Variants in ANKRD44 observed in about 807,000 individuals in gnomAD.
ANKRD44 encodes serine/threonine-protein phosphatase 6 regulatory ankyrin repeat subunit B.
A neutral mutation model predicts 116.0 loss-of-function variants in ANKRD44; 35 were observed. That is an observed-to-expected ratio of 0.30 (90% CI 0.23 to 0.40). The LOEUF (loss-of-function observed/expected upper bound fraction) is 0.40, where lower values mean the gene tolerates loss of function less well. Ranked by LOEUF, ANKRD44 falls within the 10% of genes least tolerant of loss-of-function variation. The pLI is 1.00. For missense variants in ANKRD44, 1,014 were observed against 1,242.6 expected (o/e 0.82, Z 2.77); for synonymous variants, 435 against 461.8 (o/e 0.94, Z 0.74).
At chr2:197,189,107 T>A (rs747375982) in intron 1 of ANKRD44, among the ~76,000 whole-genome samples, 9 of 152,242 alleles carry the variant, frequency 5.9e-5, no homozygotes, top group Non-Finnish European at 8.8e-5. Context: ...TTACAGGTTA[T>A]GTTGCTGTTT....
rs1322637209 is a variant in ANKRD44 at position 196,987,867 on chromosome 2, C to T, written c.*1724G>A. 1 of 981,752 alleles carries T rather than the reference C, an allele frequency of 1.0e-6. No individual in the cohort carries two copies. The highest frequency in any genetic ancestry group is 1.2e-6 in the Non-Finnish European group (1 of 827,004). 60.8% of individuals were successfully genotyped at this position (981,752 alleles called of 1,614,324 possible). ...TTTTTTTTCTTAGAAAGCTATGGTG[C>T]AAACATAATTTTATTTCTAAGAGAT... On this transcript the variant is annotated 3_prime_UTR_variant, in exon 28 of 28. Transcript: ENST00000282272.
intron 1 of ANKRD44, among the ~76,000 whole-genome samples, chr2:197,309,476 C>T (rs770842883): frequency 6.6e-4 from 100 of 152,174 alleles, no homozygotes; most frequent in African/African-American, 2.2e-3. Context: ...ATTGTGGTGA[C>T]GGACTGCACT....
chr2:197,200,438 G>C (rs1454058099), intron 1 of ANKRD44, among the ~76,000 whole-genome samples: 1 of 152,088 alleles, frequency 6.6e-6, no homozygotes, highest in Non-Finnish European at 1.5e-5. Flanking sequence ...AGAATGTCCT[G>C]AGTTACAGCA....
At chr2:196,990,686 C>G (rs547028406) in intron 27 of ANKRD44, 5 of 1,232,068 alleles carry the variant, frequency 4.1e-6, no homozygotes, top group African/African-American at 1.6e-5. Flanking sequence ...AAAGTCAAAA[C>G]GTTTCCGAAT....
rs575779799 is a variant in ANKRD44 at position 196,993,651 on chromosome 2, T to C, written c.2855A>G (p.Asn952Ser). 1.5e-5 allele frequency: 23 copies of C among 1,550,396 alleles called. No individual in the cohort carries two copies. The South Asian group carries it at 2.6e-4, about 18-fold the overall frequency. The stretch of plus-strand genomic sequence containing the variant: ...CTCCTCAACTACCACCTTTAAGCCA[T>C]TGCGCGCAGCGACGTGGAGGGGTCT... ...LQTPLHVAAR[N>S]GLKVVVEELL... The change falls in exon 27 of 28, where the codon AAT (asparagine) becomes AGT (serine). Residue 952 changes from asparagine to serine, a missense_variant. Asn to Ser is a conservative substitution (Grantham distance 46). Transcript: ENST00000282272.
intron 1 of ANKRD44, among the ~76,000 whole-genome samples, chr2:197,188,541 A>G (rs555887121): frequency 2.8e-4 from 42 of 152,322 alleles, no homozygotes; most frequent in African/African-American, 1.0e-3. Context: ...TGCAAAGCCC[A>G]TTTCTACATG....
chr2:196,968,635 CT>C (rs1198226080), intron 21 of ANKRD44, among the ~76,000 whole-genome samples: 5 of 152,184 alleles, frequency 3.3e-5, no homozygotes, highest in Non-Finnish European at 7.3e-5. Flanking sequence ...AGAATTTCCT[CT>C]TCTCAGCTCT....
chr2:197,029,043 A>C (rs1297658956), intron 16 of ANKRD44: 1 of 156,498 alleles, frequency 6.4e-6, no homozygotes, highest in Non-Finnish European at 1.4e-5. Flanking sequence ...GGTTTCTTAC[A>C]TATGTATACA....
At chr2:197,229,032 T>A (rs2081792249) in intron 1 of ANKRD44, among the ~76,000 whole-genome samples, 1 of 152,112 alleles carries the variant, frequency 6.6e-6, no homozygotes. Flanking sequence ...TAAAAATCTA[T>A]CACACACACA....
intron 21 of ANKRD44, among the ~76,000 whole-genome samples, chr2:196,980,050 T>C (rs2075790146): frequency 6.6e-6 from 1 of 152,190 alleles, no homozygotes; most frequent in African/African-American, 2.4e-5. Context: ...TTGTTAGCAC[T>C]CTGAAAGGCT....
In ANKRD44 at chr2:197,110,765, C is replaced by G; in HGVS notation, c.985+1G>C. The G allele has an allele frequency of 6.2e-7, 1 of 1,612,124 alleles. No individual in the cohort carries two copies. Among genetic ancestry groups the G allele is most frequent in the South Asian group, 1.1e-5 (1 of 91,032 alleles). ...TGACACTACTGAAGCATCTCTCTTACCATTCTGAATGAGGGTCTGTGACCG... is the reference window on the plus strand; with the variant it reads ...TGACACTACTGAAGCATCTCTCTTAGCATTCTGAATGAGGGTCTGTGACCG... On this transcript the variant is annotated splice_donor_variant, in intron 9 of 27. Coordinates refer to ENST00000282272, the MANE Select transcript of ANKRD44 (RefSeq NM_001195144.2). LOFTEE classifies it high-confidence loss of function.
At chr2:197,054,070 C>A (rs1022505425) in intron 16 of ANKRD44, among the ~76,000 whole-genome samples, 4 of 152,088 alleles carry the variant, frequency 2.6e-5, no homozygotes, top group African/African-American at 9.7e-5. Context: ...CACAACCTGG[C>A]CGGTTATAGG....
intron 1 of ANKRD44, among the ~76,000 whole-genome samples, chr2:197,306,263 C>T (rs79810924): frequency 6.6e-6 from 1 of 152,146 alleles, no homozygotes; most frequent in African/African-American, 2.4e-5. Flanking sequence ...GTCAGAGCCC[C>T]ACCTGTGCAA....
At position 196,967,325 on chromosome 2, in the gene ANKRD44, C is replaced by T. The variant is rs562153092; in HGVS notation, c.*114G>A. 310 of 410,330 alleles carry T rather than the reference C, an allele frequency of 7.6e-4. 1 individual carries two copies. Among genetic ancestry groups the T allele is most frequent in the Middle Eastern group, 2.7e-3 (7 of 2,632 alleles). 25.4% of individuals were successfully genotyped at this position (410,330 alleles called of 1,614,324 possible). A position where few individuals can be genotyped will look rare whatever the true frequency, so the allele number is the denominator to read the frequency against. ...CCTTTCCCTTCCCCAACCGCAGCTC[C>T]TGCAGAGTGTAACCCTTTGCGTTCT... On this transcript the variant is annotated 3_prime_UTR_variant, in exon 22 of 22. Coordinates refer to the ANKRD44 transcript ENST00000424317.
intron 21 of ANKRD44, among the ~76,000 whole-genome samples, chr2:196,969,416 C>CCA (rs1363027018): frequency 2.0e-5 from 3 of 152,008 alleles, no homozygotes; most frequent in Non-Finnish European, 4.4e-5. Flanking sequence ...CATTTTCATT[C>CCA]CTGTTTTTAT....
intron 10 of ANKRD44, among the ~76,000 whole-genome samples, chr2:197,096,287 C>T (rs184537483): frequency 6.1e-4 from 93 of 152,302 alleles, no homozygotes; most frequent in Middle Eastern, 3.4e-3. Flanking sequence ...CTTAGGCCCT[C>T]AACCAATATT....
At chr2:197,060,721 T>C (rs147121373) in intron 16 of ANKRD44, among the ~76,000 whole-genome samples, 28 of 152,362 alleles carry the variant, frequency 1.8e-4, no homozygotes, top group African/African-American at 6.7e-4. Context: ...ACCCCCATTC[T>C]ACTCTCTGTT....
intron 21 of ANKRD44, among the ~76,000 whole-genome samples, chr2:196,971,122 T>G (rs992128740): frequency 6.6e-6 from 1 of 152,232 alleles, no homozygotes; most frequent in Non-Finnish European, 1.5e-5. Context: ...TCACTTAACA[T>G]TATGTCATGC....
At chr2:197,079,200 G>C (rs1237172545) in intron 15 of ANKRD44, among the ~76,000 whole-genome samples, 1 of 151,974 alleles carries the variant, frequency 6.6e-6, no homozygotes, top group African/African-American at 2.4e-5. Context: ...ATCAGGGCAA[G>C]TAACAGGGCA....
Sources: gnomAD v4.1 joint callset for allele counts (sites outside exome capture counted in the v4.1 genomes callset) on GRCh38, gnomAD v4.1.1 for gene constraint, MANE v1.5 for transcripts, NCBI Gene and HGNC (gene_info 2026-07-23, HGNC 2026-07-21) for gene names.